Variants in CD82 observed in about 807,000 individuals in gnomAD.
CD82 encodes the protein CD82 molecule.
CD82 carries 36 observed loss-of-function variants against 37.4 expected under a neutral mutation model. That is an observed-to-expected ratio of 0.96 (90% CI 0.74 to 1.27). The LOEUF (loss-of-function observed/expected upper bound fraction) is 1.27, where lower values mean the gene tolerates loss of function less well. Ranked by LOEUF, CD82 falls within the 50% of genes most tolerant of loss-of-function variation. The pLI is 0.00. For missense variants in CD82, 340 were observed against 347.0 expected, an observed-to-expected ratio of 0.98 and a Z score of 0.16; for synonymous variants, 158 against 137.4, an observed-to-expected ratio of 1.15 and a Z score of -1.05.
chr11:44,568,654 G>A (rs1852771849), intron 1 of CD82, among the ~76,000 whole-genome samples: 1 of 152,182 alleles, frequency 6.6e-6, no homozygotes, highest in Non-Finnish European at 1.5e-5. Flanking sequence ...GTTTCCCACA[G>A]TAGGGGGACT....
rs557769101 is a variant in CD82 at position 44,567,920 on chromosome 11, A to G, written c.-103+2184A>G. Among the ~76,000 whole-genome samples the G allele has an allele frequency of 8.5e-5, 13 of 152,370 alleles. No homozygotes were observed. In the East Asian group the frequency reaches 2.5e-3, roughly 29 times the overall value. On this transcript the variant is annotated intron_variant, in intron 1 of 9. Coordinates refer to ENST00000227155, the MANE Select transcript of CD82 (RefSeq NM_002231.4). ...GAGAGGAAAATGCCTAGGCAGAGGC[A>G]GGGAGGTCAACCTGTCCTGAGAATT...
At chr11:44,595,413 G>C (rs1397168864) in intron 3 of CD82, among the ~76,000 whole-genome samples, 1 of 152,088 alleles carries the variant, frequency 6.6e-6, no homozygotes, top group Non-Finnish European at 1.5e-5. Context: ...GTGTGTTGTT[G>C]GGGGGCAGTG....
At chr11:44,570,385 G>A (rs780042244) in intron 1 of CD82, among the ~76,000 whole-genome samples, 14 of 152,236 alleles carry the variant, frequency 9.2e-5, no homozygotes, top group Non-Finnish European at 2.1e-4. Context: ...GGTGTATGAT[G>A]TGTTTCCATG....
At chr11:44,583,942 T>C (rs981518187) in intron 1 of CD82, among the ~76,000 whole-genome samples, 1 of 152,152 alleles carries the variant, frequency 6.6e-6, no homozygotes, top group Non-Finnish European at 1.5e-5. Context: ...GTTCATGGGA[T>C]CCTGTGACAG....
chr11:44,586,406 T>G (rs1000140828), intron 1 of CD82, among the ~76,000 whole-genome samples: 1 of 152,222 alleles, frequency 6.6e-6, no homozygotes, highest in Non-Finnish European at 1.5e-5. Context: ...TCACAGCTTC[T>G]GTCAGCTTTT....
intron 1 of CD82, among the ~76,000 whole-genome samples, chr11:44,577,782 CCTGCAGTGGGCTCAGGCT>C (rs1852919434): frequency 6.6e-6 from 1 of 152,180 alleles, no homozygotes; most frequent in South Asian, 2.1e-4. Flanking sequence ...CCTCATCTTC[CCTGCAGTGGGCTCAGGCT>C]ATGTTCTGCC....
At chr11:44,592,244 A>G (rs1326412036) in intron 2 of CD82, among the ~76,000 whole-genome samples, 1 of 152,172 alleles carries the variant, frequency 6.6e-6, no homozygotes, top group East Asian at 1.9e-4. Context: ...AACACCGTGG[A>G]TCTGACTCAG....
At chr11:44,593,053 T>G (rs991965948) in intron 2 of CD82, among the ~76,000 whole-genome samples, 6 of 152,226 alleles carry the variant, frequency 3.9e-5, no homozygotes, top group South Asian at 2.1e-4. Context: ...AAAACTGGAC[T>G]GGACCCCTTG....
intron 6 of CD82, among the ~76,000 whole-genome samples, chr11:44,609,916 T>C (rs1234100829): frequency 6.6e-6 from 1 of 152,142 alleles, no homozygotes; most frequent in Non-Finnish European, 1.5e-5. Flanking sequence ...CATTCTGGGG[T>C]AGCTAATTAC....
chr11:44,602,176 G>A (rs879361758), intron 4 of CD82, among the ~76,000 whole-genome samples: 2 of 152,206 alleles, frequency 1.3e-5, no homozygotes, highest in African/African-American at 2.4e-5. Context: ...ACATGGCTCT[G>A]CAGCCACATG....
At chr11:44,618,464 T>G (rs1853601468) in intron 8 of CD82, 99 bp downstream of exon 8, 4 of 1,157,554 alleles carry the variant, frequency 3.5e-6, no homozygotes, top group Non-Finnish European at 5.1e-6. Flanking sequence ...GTTCCTTCCC[T>G]TAATTCATCT....
rs560086513 is a variant in CD82, at chr11:44,584,738, T to C, written c.-102-2737T>C. 5.3e-5 allele frequency among the ~76,000 whole-genome samples: 8 copies of C among 151,990 alleles called. No homozygotes were observed. In the South Asian group the frequency reaches 6.2e-4, roughly 12 times the overall value. ...TAAGACCAGAGATTGAAAAATAAGATAGTGAGAGGTCAAAAAGCCAGGCCC... is the reference window on the plus strand; with the variant it reads ...TAAGACCAGAGATTGAAAAATAAGACAGTGAGAGGTCAAAAAGCCAGGCCC... On this transcript the variant is annotated intron_variant, in intron 1 of 9. Transcript: ENST00000227155.
intron 3 of CD82, chr11:44,596,808 C>T (rs1383935936): frequency 3.7e-5 from 16 of 429,428 alleles, no homozygotes; most frequent in South Asian, 2.1e-4. Context: ...ATGTTCAGGG[C>T]GGAAGAGCCC....
intron 1 of CD82, among the ~76,000 whole-genome samples, chr11:44,570,973 T>C (rs564664000): frequency 2.0e-4 from 30 of 152,256 alleles, no homozygotes; most frequent in Non-Finnish European, 3.4e-4. Flanking sequence ...AGCCCCACTC[T>C]CCCCTCTGAC....
intron 6 of CD82, 42 bp from the exon 7 acceptor site, chr11:44,615,230 T>C: frequency 7.3e-7 from 1 of 1,372,404 alleles, no homozygotes; most frequent in Non-Finnish European, 1.0e-6. Flanking sequence ...TGGGCACGGG[T>C]TTCAGGAAAT....
chr11:44,599,839 G>A (rs189333964), intron 3 of CD82, among the ~76,000 whole-genome samples: 3 of 152,348 alleles, frequency 2.0e-5, no homozygotes, highest in Non-Finnish European at 4.4e-5. Context: ...TCGGGGGGAT[G>A]AGCTGAGAAA....
rs536182786 is a variant in CD82, at chr11:44,580,233, C to A, written c.-102-7242C>A. Among the ~76,000 whole-genome samples the A allele has an allele frequency of 3.5e-4, 53 of 152,300 alleles. 2 individuals carry two copies. The South Asian group carries it at 0.011, about 31-fold the overall frequency. Reference sequence around the variant, plus strand: ...CCGGCCCATCTCTCTGTGTTTTCACCCAAGGATCTATGGAGACAGAGTCCC... The same window carrying A: ...CCGGCCCATCTCTCTGTGTTTTCACACAAGGATCTATGGAGACAGAGTCCC... On this transcript the variant is annotated intron_variant, in intron 1 of 9. Transcript: ENST00000227155.
At chr11:44,591,206 G>C (rs1033615539) in intron 2 of CD82, among the ~76,000 whole-genome samples, 3 of 152,172 alleles carry the variant, frequency 2.0e-5, no homozygotes, top group Non-Finnish European at 4.4e-5. Flanking sequence ...GCTGCCTCCT[G>C]TGTGGGATGG....
At chr11:44,594,829 G>C in intron 3 of CD82, 104 bp downstream of exon 3, 2 of 936,220 alleles carry the variant, frequency 2.1e-6, no homozygotes, top group South Asian at 2.7e-5. Flanking sequence ...GGATTGGGGG[G>C]ATTTGGTGGG....
Sources: allele counts gnomAD v4.1 joint callset (sites outside exome capture counted in the v4.1 genomes callset), GRCh38; gene constraint gnomAD v4.1.1; transcripts MANE v1.5; gene names NCBI Gene and HGNC (gene_info 2026-07-23, HGNC 2026-07-21).